Variants in SCLT1 observed in about 807,000 individuals in gnomAD.
The protein encoded by SCLT1 is sodium channel-associated protein 1.
SCLT1 carries 78 observed loss-of-function variants against 112.8 expected under a neutral mutation model. The ratio of observed to expected loss-of-function variants is 0.69; its 90% CI spans 0.58 to 0.83. The LOEUF is 0.83. Among genes scored for constraint, SCLT1 ranks in the 40% least tolerant of loss-of-function variants. SCLT1 has a pLI of 0.00. For synonymous variants in SCLT1, 257 were observed against 254.7 expected (o/e 1.01, Z -0.09); for missense variants, 747 against 770.4 (o/e 0.97, Z 0.36).
intron 18 of SCLT1, among the ~76,000 whole-genome samples, chr4:128,909,541 C>T (rs1391459358): frequency 6.6e-6 from 1 of 152,184 alleles, no homozygotes; most frequent in African/African-American, 2.4e-5. Flanking sequence ...AGCCACTGCA[C>T]CCAGCCTCTA....
chr4:129,021,617 A>G (rs533772343), intron 5 of SCLT1, among the ~76,000 whole-genome samples: 6 of 152,202 alleles, frequency 3.9e-5, no homozygotes, highest in African/African-American at 1.4e-4. Context: ...CCACTTCTCT[A>G]GATTCCTCCT....
rs192549058 is a variant in SCLT1 at position 128,954,862 on chromosome 4, C to T, written c.1147-2022G>A. ...GCAGAGAAATTAAGTCATAAATGTT[C>T]CTATAACATAAAAATTTTGGTTCTT... On this transcript the variant is annotated intron_variant, in intron 13 of 20. Transcript: ENST00000281142. Among the ~76,000 whole-genome samples, 875 of 152,172 alleles carry T rather than the reference C, an allele frequency of 5.8e-3. 7 individuals carry two copies. The highest frequency in any genetic ancestry group is 0.034 in the Middle Eastern group (10 of 294).
Position 129,090,801 on chromosome 4 carries a change from G to A in SCLT1, c.34+2269C>T, listed in dbSNP as rs190932630. On this transcript the variant is annotated intron_variant, in intron 1 of 20. Coordinates refer to ENST00000281142, the MANE Select transcript of SCLT1 (RefSeq NM_144643.4). ...CTTTCCCAGACAAAGGTGGAAGAAC[G>A]GTGCACAGCAAATATGCTACAAGCT... Among the ~76,000 whole-genome samples the A allele has an allele frequency of 2.6e-3, 396 of 152,262 alleles. 3 individuals are homozygous for A. Among genetic ancestry groups the A allele is most frequent in the African/African-American group, 9.3e-3 (388 of 41,546 alleles).
At chr4:129,013,477 T>C (rs1040323669) in intron 5 of SCLT1, among the ~76,000 whole-genome samples, 2 of 152,226 alleles carry the variant, frequency 1.3e-5, no homozygotes, top group Non-Finnish European at 2.9e-5. Flanking sequence ...TAGTGCTACC[T>C]TCAGGTGCTC....
intron 13 of SCLT1, among the ~76,000 whole-genome samples, chr4:128,955,970 CACCT>C (rs1220622998): frequency 1.3e-5 from 2 of 152,158 alleles, no homozygotes; most frequent in African/African-American, 4.8e-5. Flanking sequence ...TCAACAGGAA[CACCT>C]AAGGAAGGAA....
At chr4:128,963,925 A>C (rs1739955423) in intron 11 of SCLT1, among the ~76,000 whole-genome samples, 1 of 152,174 alleles carries the variant, frequency 6.6e-6, no homozygotes, top group Non-Finnish European at 1.5e-5. Flanking sequence ...TTTATAGCAA[A>C]ATAAAATCAT....
At chr4:129,078,818 A>G (rs1401564649) in intron 2 of SCLT1, among the ~76,000 whole-genome samples, 1 of 152,202 alleles carries the variant, frequency 6.6e-6, no homozygotes, top group Non-Finnish European at 1.5e-5. Context: ...AAGGAAATAC[A>G]TAAGACTGGG....
intron 2 of SCLT1, among the ~76,000 whole-genome samples, chr4:129,068,356 C>G (rs572386916): frequency 6.6e-6 from 1 of 152,236 alleles, no homozygotes; most frequent in East Asian, 1.9e-4. Flanking sequence ...GAAGTGTTCC[C>G]TGTTCACTGC....
In SCLT1 at chr4:129,038,250, AAGATAT is replaced by A. The variant is rs1643917708; in HGVS notation, c.290+785_290+790del. Reference sequence around the variant, plus strand: ...GCTTAACAAGAGCTACAGGTATTAAAAGATATAGATCAATATAAACTCATAAATATC... The same window carrying A: ...GCTTAACAAGAGCTACAGGTATTAAAAGATCAATATAAACTCATAAATATC... On this transcript the variant is annotated intron_variant, in intron 5 of 20. Coordinates refer to ENST00000281142, the MANE Select transcript of SCLT1 (RefSeq NM_144643.4). 2.6e-5 allele frequency: 4 copies of A among 154,210 alleles called. No individual in the cohort carries two copies. In the South Asian group the frequency reaches 8.1e-4, roughly 31 times the overall value. The allele number at this position is 154,210 out of a possible 1,614,324, so 9.6% of individuals were successfully genotyped here. A position where few individuals can be genotyped will look rare whatever the true frequency, so the allele number is the denominator to read the frequency against.
chr4:129,030,523 G>C (rs1043054404), intron 5 of SCLT1, among the ~76,000 whole-genome samples: 13 of 152,090 alleles, frequency 8.5e-5, no homozygotes, highest in African/African-American at 3.1e-4. Context: ...GAATCCAGGA[G>C]CTGGTTTTTT....
intron 1 of SCLT1, among the ~76,000 whole-genome samples, chr4:129,089,173 G>A (rs796470788): frequency 2.5e-4 from 38 of 152,088 alleles, no homozygotes; most frequent in African/African-American, 8.7e-4. Context: ...AAAAGCAAAC[G>A]ATCCCATCAA....
chr4:128,923,809 G>A (rs1254382700), intron 18 of SCLT1, among the ~76,000 whole-genome samples: 2 of 151,628 alleles, frequency 1.3e-5, no homozygotes, highest in African/African-American at 4.8e-5. Context: ...TTTTTGTGTC[G>A]ATATATTTTG....
chr4:129,058,207 T>C (rs75995589), intron 2 of SCLT1, among the ~76,000 whole-genome samples: 2,134 of 152,314 alleles, frequency 0.014, 50 homozygotes, highest in African/African-American at 0.045. Flanking sequence ...ATTGGTTTTT[T>C]AGTGCCAATT....
chr4:129,034,497 T>C (rs1747011535), intron 5 of SCLT1, among the ~76,000 whole-genome samples: 1 of 151,308 alleles, frequency 6.6e-6, no homozygotes, highest in Non-Finnish European at 1.5e-5. Flanking sequence ...ACTAGATTCA[T>C]ATACTAACTA....
At chr4:128,969,039 G>A (rs138049661) in intron 10 of SCLT1, among the ~76,000 whole-genome samples, 135 of 152,216 alleles carry the variant, frequency 8.9e-4, no homozygotes, top group African/African-American at 3.0e-3. Flanking sequence ...CACATTTCTC[G>A]CATGTATTCA....
intron 19 of SCLT1, among the ~76,000 whole-genome samples, chr4:128,889,676 A>C (rs1733161126): frequency 6.6e-6 from 1 of 152,224 alleles, no homozygotes; most frequent in Non-Finnish European, 1.5e-5. Flanking sequence ...ATAATCTATC[A>C]ATTAAAAAAT....
In SCLT1 at chr4:128,959,733, T is replaced by C; in HGVS notation, c.914A>G (p.Asn305Ser). Residue 305 changes from asparagine to serine, a missense_variant, in exon 12 of 21, where the codon AAT becomes AGT. Transcript: ENST00000281142. ...IQEANQLRTE[N>S]THLEKQTREL... is the part of the protein sequence containing the mutation. ...TCTGGTCTGTTTTTCCAGATGTGTA[T>C]TTTCGGTTCTTAATTGGTTGGCTTC... 1 of 1,613,636 alleles carries C rather than the reference T, an allele frequency of 6.2e-7. No individual in the cohort carries two copies. Among genetic ancestry groups the C allele is most frequent in the East Asian group, 2.2e-5 (1 of 44,794 alleles).
Position 128,943,058 on chromosome 4 carries a change from G to T in SCLT1, c.1570C>A (p.Arg524=), listed in dbSNP as rs367930155. 1.2e-6 allele frequency: 2 copies of T among 1,612,862 alleles called. No individual in the cohort carries two copies. The highest frequency in any genetic ancestry group is 1.7e-5 in the Admixed American group (1 of 59,916). ...LKLQQENKQL[R]KETESLRKIA... ...TTCCTTAAACTCTCAGTCTCTTTCC[G>T]TAACTGTTTATTTTCTTGCTGAAGT... Residue 524 remains arginine, a synonymous_variant, in exon 17 of 21, where the codon CGG becomes AGG. Coordinates refer to ENST00000281142, the MANE Select transcript of SCLT1 (RefSeq NM_144643.4).
chr4:128,937,574 T>G (rs2125983207), intron 17 of SCLT1, among the ~76,000 whole-genome samples: 1 of 152,328 alleles, frequency 6.6e-6, no homozygotes, highest in Admixed American at 6.5e-5. Flanking sequence ...ATACTAAATT[T>G]GAAACTCTTT....
Sources: allele counts gnomAD v4.1 joint callset (sites outside exome capture counted in the v4.1 genomes callset), GRCh38; gene constraint gnomAD v4.1.1; transcripts MANE v1.5; gene names NCBI Gene and HGNC (gene_info 2026-07-23, HGNC 2026-07-21).